The following FAM13A variants were observed in gnomAD, a reference collection of about 807,000 sequenced individuals.
The protein encoded by FAM13A is family with sequence similarity 13 member A.
FAM13A carries 76 observed loss-of-function variants against 129.6 expected under a neutral mutation model. That is an observed-to-expected ratio of 0.59 (90% confidence interval 0.49 to 0.71). FAM13A has a LOEUF of 0.71. Among genes scored for constraint, FAM13A ranks in the 30% least tolerant of loss-of-function variants. The probability of loss-of-function intolerance (pLI) is 0.00; values close to 1 mark genes in which losing one functional copy is unlikely to be tolerated. For synonymous variants in FAM13A, 443 were observed against 449.9 expected, an observed-to-expected ratio of 0.98 and a Z score of 0.20; for missense variants, 1,108 against 1,249.3, an observed-to-expected ratio of 0.89 and a Z score of 1.70.
intron 13 of FAM13A, 138 bp downstream of exon 13, chr4:88,767,415 G>T: frequency 2.1e-6 from 1 of 479,394 alleles, no homozygotes; most frequent in Non-Finnish European, 3.6e-6. Flanking sequence ...CTTTAAGTTT[G>T]GTATTTGCCT....
chr4:88,954,833 C>A (rs1380923677), intron 4 of FAM13A, among the ~76,000 whole-genome samples: 1 of 148,580 alleles, frequency 6.7e-6, no homozygotes, highest in African/African-American at 2.5e-5. Context: ...TTGCAGTGAG[C>A]AGAGATTGTG....
intron 4 of FAM13A, among the ~76,000 whole-genome samples, chr4:88,987,930 A>C (rs924463669): frequency 6.6e-6 from 1 of 151,916 alleles, no homozygotes; most frequent in Non-Finnish European, 1.5e-5. Flanking sequence ...AAATGACTTA[A>C]CCACACAAGA....
At chr4:88,790,327 C>T (rs189453274) in intron 9 of FAM13A, among the ~76,000 whole-genome samples, 292 of 152,130 alleles carry the variant, frequency 1.9e-3, no homozygotes, top group Non-Finnish European at 2.9e-3. Context: ...TTGATCCTGG[C>T]ATTATTTTTA....
intron 7 of FAM13A, among the ~76,000 whole-genome samples, chr4:88,820,723 G>A (rs572503453): frequency 1.4e-4 from 21 of 152,280 alleles, no homozygotes; most frequent in African/African-American, 5.1e-4. Flanking sequence ...AAATGCAGAT[G>A]CTCTCTCTGC....
intron 1 of FAM13A, among the ~76,000 whole-genome samples, chr4:89,044,566 T>G (rs1167975933): frequency 6.6e-6 from 1 of 152,186 alleles, no homozygotes; most frequent in Non-Finnish European, 1.5e-5. Context: ...ATCCAATGAT[T>G]CCCCTTCTGG....
chr4:88,729,976 G>A (rs1737296262), intron 23 of FAM13A: 1 of 151,956 alleles, frequency 6.6e-6, no homozygotes, highest in African/African-American at 2.4e-5. Flanking sequence ...GCAATGGGTG[G>A]GAAATGAAAA....
intron 18 of FAM13A, 43 bp from the exon 19 acceptor site, chr4:88,747,058 T>G (rs770870233): frequency 2.3e-6 from 3 of 1,317,004 alleles, no homozygotes; most frequent in Non-Finnish European, 3.3e-6. Flanking sequence ...GAGGAAAATG[T>G]GTGTGAACAT....
chr4:88,932,835 T>G (rs868472641), intron 5 of FAM13A, among the ~76,000 whole-genome samples: 37 of 152,186 alleles, frequency 2.4e-4, no homozygotes, highest in African/African-American at 8.2e-4. Flanking sequence ...ATTCTAATAT[T>G]TTGCTTTGCT....
At chr4:88,931,716 C>T (rs1301637900) in intron 5 of FAM13A, among the ~76,000 whole-genome samples, 1 of 152,110 alleles carries the variant, frequency 6.6e-6, no homozygotes, top group Admixed American at 6.5e-5. Flanking sequence ...TTTTAACCTC[C>T]AAATTCAGAA....
In FAM13A at chr4:88,859,040, C is replaced by A. The variant is rs539831002; in HGVS notation, c.844-7857G>T. On this transcript the variant is annotated intron_variant, in intron 6 of 23. Transcript: ENST00000264344. The stretch of plus-strand genomic sequence containing the variant: ...GGGATTGATTAGAGTGGGTTCCAGG[C>A]AAAAAAAGAGGAAGTGAAAACACAG... 1.1e-4 allele frequency among the ~76,000 whole-genome samples: 16 copies of A among 151,048 alleles called. No individual in the cohort carries two copies. In the South Asian group the frequency reaches 3.1e-3, roughly 30 times the overall value.
intron 6 of FAM13A, among the ~76,000 whole-genome samples, chr4:88,905,164 T>C (rs751064769): frequency 1.3e-5 from 2 of 152,078 alleles, no homozygotes; most frequent in Middle Eastern, 3.2e-3. Flanking sequence ...TATATATGTA[T>C]GTATGTATGA....
At chr4:88,972,788 G>C in intron 4 of FAM13A, among the ~76,000 whole-genome samples, 1 of 151,900 alleles carries the variant, frequency 6.6e-6, no homozygotes, top group Non-Finnish European at 1.5e-5. Context: ...TGTATTTTTT[G>C]GTAGAAATGG....
At chr4:88,983,397 C>T (rs1413008268) in intron 4 of FAM13A, among the ~76,000 whole-genome samples, 2 of 151,838 alleles carry the variant, frequency 1.3e-5, no homozygotes, top group Non-Finnish European at 2.9e-5. Flanking sequence ...GCAAAAGATA[C>T]AAACAGGTAT....
At chr4:88,932,928 T>A (rs4693977) in intron 5 of FAM13A, among the ~76,000 whole-genome samples, 44,244 of 151,990 alleles carry the variant, frequency 0.29, 6,828 homozygotes, top group African/African-American at 0.39. Context: ...TAGCCAGATT[T>A]AAATTTTAAA....
intron 5 of FAM13A, among the ~76,000 whole-genome samples, chr4:88,936,049 C>A (rs1753800336): frequency 6.6e-6 from 1 of 152,088 alleles, no homozygotes; most frequent in African/African-American, 2.4e-5. Flanking sequence ...AAAAGAGCAC[C>A]ATTTTATATT....
At chr4:89,053,314 GA>G (rs1256505962) in intron 1 of FAM13A, among the ~76,000 whole-genome samples, 8 of 152,308 alleles carry the variant, frequency 5.3e-5, no homozygotes, top group Admixed American at 2.6e-4. Context: ...ATGTGGCACA[GA>G]AGGCAAGAGC....
At chr4:88,980,487 C>T (rs1761510337) in intron 4 of FAM13A, among the ~76,000 whole-genome samples, 1 of 152,160 alleles carries the variant, frequency 6.6e-6, no homozygotes, top group Non-Finnish European at 1.5e-5. Context: ...GAAGTAGGTG[C>T]TACATAGGGC....
intron 4 of FAM13A, among the ~76,000 whole-genome samples, chr4:88,967,178 C>A (rs181612696): frequency 6.6e-6 from 1 of 152,196 alleles, no homozygotes; most frequent in Non-Finnish European, 1.5e-5. Context: ...AACACTGTTA[C>A]CTGTGATTAT....
At chr4:88,907,549 T>C (rs1250447233) in intron 5 of FAM13A, among the ~76,000 whole-genome samples, 2 of 152,244 alleles carry the variant, frequency 1.3e-5, no homozygotes, top group Admixed American at 6.5e-5. Context: ...TAATAAAGAT[T>C]GAATCTTATG....
Sources: gnomAD v4.1 joint callset for allele counts (sites outside exome capture counted in the v4.1 genomes callset) on GRCh38, gnomAD v4.1.1 for gene constraint, MANE v1.5 for transcripts, NCBI Gene and HGNC (gene_info 2026-07-23, HGNC 2026-07-21) for gene names.